Variants in TERT observed in about 807,000 individuals in gnomAD.
The protein encoded by TERT is telomerase catalytic subunit.
TERT carries 42 observed loss-of-function variants against 104.0 expected under a neutral mutation model. The observed-to-expected ratio is 0.40, with a 90% CI of 0.32 to 0.52. The LOEUF (loss-of-function observed/expected upper bound fraction) is 0.52. Ranked by LOEUF, TERT falls within the 20% of genes least tolerant of loss-of-function variation. TERT has a pLI of 0.43. For missense variants in TERT, 1,101 were observed against 1,610.3 expected (o/e 0.68, Z 5.41); for synonymous variants, 781 against 725.6 (o/e 1.08, Z -1.23).
intron 6 of TERT, among the ~76,000 whole-genome samples, chr5:1,277,604 G>A (rs1246790057): frequency 3.3e-5 from 2 of 61,182 alleles, no homozygotes; most frequent in Non-Finnish European, 7.8e-5. Flanking sequence ...CAGCGGGGAT[G>A]TGGGGGGGGG....
In TERT at chr5:1,257,013, C is replaced by A. The variant is rs927267184; in HGVS notation, c.3032+1585G>T. ...GCCGTGAAATCGGGGCCCAGCTCTC[C>A]GTTCTCCCACTCCTGCCTCGAGGGA... is the stretch of plus-strand genomic sequence containing the variant. On this transcript the variant is annotated intron_variant, in intron 13 of 15. Coordinates refer to ENST00000310581, the MANE Select transcript of TERT (RefSeq NM_198253.3). This position sits in a 1 kb window ranked among gnomAD's most constrained non-coding sequence, Gnocchi z 5.6. 6.6e-6 allele frequency among the ~76,000 whole-genome samples: 1 copy of A among 152,184 alleles called. No individual in the cohort carries two copies. The highest frequency in any genetic ancestry group is 2.4e-5 in the African/African-American group (1 of 41,456).
chr5:1,294,052 G>T lies in TERT; in HGVS notation c.834C>A (p.Pro278=), dbSNP rs375423906. The change falls in exon 2 of 16, where the codon CCC becomes CCA. Residue 278 remains proline (P), a synonymous_variant. Transcript: ENST00000310581. ...RGFCVVSPAR[P]AEEATSLEGA... ...CCTCCAAAGAGGTGGCTTCTTCGGC[G>T]GGTCTGGCAGGTGACACCACACAGA... The T allele has an allele frequency of 2.5e-5, 40 of 1,590,690 alleles. No homozygotes were observed. The highest frequency in any genetic ancestry group is 2.3e-5 in the East Asian group (1 of 43,112).
intron 9 of TERT, among the ~76,000 whole-genome samples, chr5:1,267,244 T>G (rs1748675616): frequency 6.6e-6 from 1 of 152,340 alleles, no homozygotes; most frequent in South Asian, 2.1e-4. Context: ...CCCGGAGTCT[T>G]CGAGAGAAAT....
Position 1,279,208 on chromosome 5 carries a change from C to T in TERT, c.2130+83G>A, listed in dbSNP as rs1017021841. On this transcript the variant is annotated intron_variant, in intron 5 of 15. Transcript: ENST00000310581. ...CTCCCTGCGGCCCACCCAGGAGTACCTCCTCCACCCAACATGAGGTGCCAA... is the reference window on the plus strand; with the variant it reads ...CTCCCTGCGGCCCACCCAGGAGTACTTCCTCCACCCAACATGAGGTGCCAA... The T allele has an allele frequency of 4.7e-6, 7 of 1,474,676 alleles. No homozygotes were observed. In the East Asian group the frequency reaches 1.7e-4, roughly 37 times the overall value. 91.3% of individuals were successfully genotyped at this position (1,474,676 alleles called of 1,614,324 possible). A position where few individuals can be genotyped will look rare whatever the true frequency, so the allele number is the denominator to read the frequency against.
chr5:1,288,816 C>A lies in TERT; in HGVS notation c.1573+4497G>T, dbSNP rs1750650256. Among the ~76,000 whole-genome samples, 1 of 152,180 alleles carries A rather than the reference C, an allele frequency of 6.6e-6. No individual in the cohort carries two copies. The highest frequency in any genetic ancestry group is 2.1e-4 in the South Asian group (1 of 4,832). Reference sequence around the variant, plus strand: ...TGTGGCGGGCACGTGGTGAGCAAGCCAGGCCCAACAGAGGCAAGCGGACCT... The same window carrying A: ...TGTGGCGGGCACGTGGTGAGCAAGCAAGGCCCAACAGAGGCAAGCGGACCT... On this transcript the variant is annotated intron_variant, in intron 2 of 15. Transcript: ENST00000310581. The surrounding 1 kb of genome is among the most constrained non-coding windows in gnomAD (Gnocchi z 5.3).
At position 1,270,986 on chromosome 5, in the gene TERT, G is replaced by A. The variant is rs34503345; in HGVS notation, c.2468+133C>T. On this transcript the variant is annotated intron_variant, in intron 8 of 15. Coordinates refer to ENST00000310581, the MANE Select transcript of TERT (RefSeq NM_198253.3). The surrounding 1 kb of genome is among the most constrained non-coding windows in gnomAD (Gnocchi z 8.3). The stretch of plus-strand genomic sequence containing the variant: ...CTGCAGCCCAGGAGCCGGAGGGGGC[G>A]GGGGCCAGAAAAGGAGACTCTGGTG... The A allele has an allele frequency of 1.9e-5, 14 of 717,968 alleles. No homozygotes were observed. The highest frequency in any genetic ancestry group is 9.1e-5 in the Admixed American group (4 of 44,128). 44.5% of individuals were successfully genotyped at this position (717,968 alleles called of 1,614,324 possible).
At position 1,285,565 on chromosome 5, in the gene TERT, A is replaced by ATTTTTTTTTTT. The variant is rs1170336173; in HGVS notation, c.1574-2952_1574-2942dup. The stretch of plus-strand genomic sequence containing the variant: ...TTACTTTTTTAATGTGGCTACTAGA[A>ATTTTTTTTTTT]TTTTTTTTTTTTTTTTTTTTTTTGA... On this transcript the variant is annotated intron_variant, in intron 2 of 15. Coordinates refer to ENST00000310581, the MANE Select transcript of TERT (RefSeq NM_198253.3). Among the ~76,000 whole-genome samples the ATTTTTTTTTTT allele has an allele frequency of 3.2e-4, 26 of 82,198 alleles. 1 individual carries two copies. Among genetic ancestry groups the ATTTTTTTTTTT allele is most frequent in the Non-Finnish European group, 4.6e-4 (21 of 46,024 alleles). The allele number at this position is 82,198 out of a possible 152,430, so 53.9% of individuals were successfully genotyped here.
At position 1,293,403 on chromosome 5, in the gene TERT, T is replaced by C. The variant is rs1561213308; in HGVS notation, c.1483A>G (p.Ile495Val). Residue 495 changes from isoleucine to valine, a missense_variant, in exon 2 of 16, where the codon ATC becomes GTC. This residue lies in a region of TERT where 504 missense variants were observed against 544.6 expected (regional missense o/e 0.93). Coordinates refer to ENST00000310581, the MANE Select transcript of TERT (RefSeq NM_198253.3). ...RRFLRNTKKFISLGKHAKLSL... is the reference protein window; with the variant it reads ...RRFLRNTKKFVSLGKHAKLSL... The stretch of plus-strand genomic sequence containing the variant: ...AGCTTGGCATGCTTCCCCAGGGAGA[T>C]GAACTTCTTGGTGTTCCTGAGGAAG... 2 of 1,613,276 alleles carry C rather than the reference T, an allele frequency of 1.2e-6. No individual in the cohort carries two copies. Among genetic ancestry groups the C allele is most frequent in the Non-Finnish European group, 1.7e-6 (2 of 1,179,980 alleles).
intron 2 of TERT, among the ~76,000 whole-genome samples, chr5:1,283,293 G>A (rs866878654): frequency 3.7e-5 from 3 of 82,022 alleles, no homozygotes; most frequent in Non-Finnish European, 4.8e-5. Context: ...GCGACCTCAC[G>A]CCAGACCTGC....
Position 1,292,094 on chromosome 5 carries a change from C to G in TERT, c.1573+1219G>C, listed in dbSNP as rs764798045. On this transcript the variant is annotated intron_variant, in intron 2 of 15. Transcript: ENST00000310581. The surrounding 1 kb of genome is among the most constrained non-coding windows in gnomAD (Gnocchi z 5.5). ...AGAAAACGGTGTTAGGAGTGCCAAT[C>G]TCATGTTATATGACTTTTGCCACCA... Among the ~76,000 whole-genome samples, 3 of 151,970 alleles carry G rather than the reference C, an allele frequency of 2.0e-5. No individual in the cohort carries two copies. Among genetic ancestry groups the G allele is most frequent in the Non-Finnish European group, 1.5e-5 (1 of 68,010 alleles).
In TERT at chr5:1,255,556, A is replaced by C; in HGVS notation, c.3033-145T>G. 3 of 933,898 alleles carry C rather than the reference A, an allele frequency of 3.2e-6. No individual in the cohort carries two copies. In the Admixed American group the frequency reaches 5.9e-5, roughly 18 times the overall value. 57.9% of individuals were successfully genotyped at this position (933,898 alleles called of 1,614,324 possible). A position where few individuals can be genotyped will look rare whatever the true frequency, so the allele number is the denominator to read the frequency against. On this transcript the variant is annotated intron_variant, in intron 13 of 15. Transcript: ENST00000310581. This position sits in a 1 kb window ranked among gnomAD's most constrained non-coding sequence, Gnocchi z 6.9. ...CATGGGCACAGGTGCACACACACGGATGCATGCATGCATGTCTGTGTGTGT... is the reference window on the plus strand; with the variant it reads ...CATGGGCACAGGTGCACACACACGGCTGCATGCATGCATGTCTGTGTGTGT...
In TERT at chr5:1,294,661, G is replaced by GGACACC; in HGVS notation, c.220-1_224dup (p.Val74_Ser75dup). 1 of 1,594,758 alleles carries GGACACC rather than the reference G, an allele frequency of 6.3e-7. No homozygotes were observed. Among genetic ancestry groups the GGACACC allele is most frequent in the Non-Finnish European group, 8.5e-7 (1 of 1,178,428 alleles). On this transcript the variant is annotated inframe_insertion, in exon 2 of 16. Coordinates refer to ENST00000310581, the MANE Select transcript of TERT (RefSeq NM_198253.3). ...CTCGGGCCACCAGCTCCTTCAGGCA[G>GGACACC]GACACCTGCGGGGGAAGCGCCCTGA...
chr5:1,290,085 C>T (rs1226431251), intron 2 of TERT, among the ~76,000 whole-genome samples: 2 of 59,560 alleles, frequency 3.4e-5, no homozygotes, highest in African/African-American at 2.3e-4. Context: ...CAGGGACACC[C>T]GGGGGCCGCG....
At chr5:1,293,246 C>G in intron 2 of TERT, 67 bp downstream of exon 2, 2 of 1,592,570 alleles carry the variant, frequency 1.3e-6, no homozygotes, top group East Asian at 4.5e-5. Flanking sequence ...TCTGCCTGCC[C>G]CCTTTTCTGA....
At position 1,257,545 on chromosome 5, in the gene TERT, G is replaced by C. The variant is rs1368763773; in HGVS notation, c.3032+1053C>G. Among the ~76,000 whole-genome samples, 1 of 152,158 alleles carries C rather than the reference G, an allele frequency of 6.6e-6. No individual in the cohort carries two copies. Among genetic ancestry groups the C allele is most frequent in the Admixed American group, 6.5e-5 (1 of 15,276 alleles). Reference sequence around the variant, plus strand: ...GGCAGAGAGAGAAGGCAGAGAGGAGGGCGGTCTGAGCCGGACGCACCCTGG... The same window carrying C: ...GGCAGAGAGAGAAGGCAGAGAGGAGCGCGGTCTGAGCCGGACGCACCCTGG... On this transcript the variant is annotated intron_variant, in intron 13 of 15. Transcript: ENST00000310581. This position sits in a 1 kb window ranked among gnomAD's most constrained non-coding sequence, Gnocchi z 5.6.
chr5:1,264,630 G>T, intron 10 of TERT, 38 bp from the exon 11 acceptor site: 1 of 1,611,168 alleles, frequency 6.2e-7, no homozygotes, highest in Non-Finnish European at 8.5e-7. Flanking sequence ...AGGATGCGGG[G>T]CCGTCACCCA....
At chr5:1,293,217 G>A in intron 2 of TERT, 96 bp downstream of exon 2, 1 of 1,502,044 alleles carries the variant, frequency 6.7e-7, no homozygotes, top group Non-Finnish European at 9.1e-7. Flanking sequence ...CGTGACGATG[G>A]AGACAGGAGG....
chr5:1,289,293 C>T (rs575278986), intron 2 of TERT, among the ~76,000 whole-genome samples: 16 of 143,144 alleles, frequency 1.1e-4, no homozygotes, highest in Non-Finnish European at 1.8e-4. Flanking sequence ...CACCCAGGGA[C>T]GGCGCCTCAC....
At chr5:1,278,441 CCACA>C (rs112536335) in intron 6 of TERT, among the ~76,000 whole-genome samples, 196 bp downstream of exon 6, 5 of 151,402 alleles carry the variant, frequency 3.3e-5, no homozygotes, top group Admixed American at 6.6e-5. Flanking sequence ...CACACACGTG[CCACA>C]CACACACACA....
Sources: gnomAD v4.1 joint callset for allele counts (sites outside exome capture counted in the v4.1 genomes callset) on GRCh38, gnomAD v4.1.1 for gene constraint, gnomAD v4.1.1 regional missense constraint, Gnocchi (gnomAD v3.1) non-coding constraint, MANE v1.5 for transcripts, NCBI Gene and HGNC (gene_info 2026-07-23, HGNC 2026-07-21) for gene names.